The following HS6ST3 variants were observed in gnomAD, a reference collection of about 807,000 sequenced individuals.
HS6ST3 encodes the protein heparan sulfate 6-O-sulfotransferase 3, also known as heparan-sulfate 6-O-sulfotransferase 3.
Under a neutral mutation model 36.7 loss-of-function variants are expected in HS6ST3, and 12 were observed. The ratio of observed to expected loss-of-function variants is 0.33; its 90% CI spans 0.21 to 0.53. The LOEUF (loss-of-function observed/expected upper bound fraction) is 0.53. HS6ST3 is among the 20% of genes least tolerant of loss of function. The pLI is 0.95. For synonymous variants in HS6ST3, 240 were observed against 257.5 expected (o/e 0.93, Z 0.65); for missense variants, 584 against 640.9 (o/e 0.91, Z 0.96).
At chr13:96,297,336 T>G (rs574829509) in intron 1 of HS6ST3, among the ~76,000 whole-genome samples, 1 of 152,268 alleles carries the variant, frequency 6.6e-6, no homozygotes, top group African/African-American at 2.4e-5. Context: ...CTTTCCTCCT[T>G]TCTATTTCTA....
intron 1 of HS6ST3, among the ~76,000 whole-genome samples, chr13:96,097,926 G>T (rs1255765583): frequency 6.6e-6 from 1 of 152,202 alleles, no homozygotes; most frequent in Non-Finnish European, 1.5e-5. Flanking sequence ...TTATTTAAAA[G>T]ATAGAATTAT....
intron 1 of HS6ST3, among the ~76,000 whole-genome samples, chr13:96,624,726 G>A (rs996253934): frequency 3.9e-5 from 6 of 152,082 alleles, no homozygotes; most frequent in South Asian, 4.1e-4. Context: ...TGTCTGACTC[G>A]CTTTTGTTTG....
chr13:96,257,877 C>T (rs1427664543), intron 1 of HS6ST3, among the ~76,000 whole-genome samples: 1 of 152,162 alleles, frequency 6.6e-6, no homozygotes, highest in Admixed American at 6.6e-5. Context: ...CTTTGTGTTA[C>T]AAGAGCTGAT....
chr13:96,556,351 G>A (rs1399279306), intron 1 of HS6ST3, among the ~76,000 whole-genome samples: 2 of 152,136 alleles, frequency 1.3e-5, no homozygotes, highest in Non-Finnish European at 2.9e-5. Context: ...AGAGATTTAG[G>A]TTTTAGTGCT....
chr13:96,494,381 G>A (rs1447426120), intron 1 of HS6ST3, among the ~76,000 whole-genome samples: 1 of 132,024 alleles, frequency 7.6e-6, no homozygotes, highest in African/African-American at 2.8e-5. Flanking sequence ...ATCACACACC[G>A]GGGCCTGTTG....
intron 1 of HS6ST3, among the ~76,000 whole-genome samples, chr13:96,509,286 T>C (rs890378109): frequency 2.6e-5 from 4 of 152,190 alleles, no homozygotes; most frequent in Non-Finnish European, 5.9e-5. Flanking sequence ...GCAAATATTT[T>C]CTCCCATTCT....
intron 1 of HS6ST3, among the ~76,000 whole-genome samples, chr13:96,732,870 A>C (rs1876195828): frequency 6.6e-6 from 1 of 152,008 alleles, no homozygotes; most frequent in African/African-American, 2.4e-5. Flanking sequence ...TTGTTTGTTA[A>C]ATTTATTCCG....
intron 1 of HS6ST3, among the ~76,000 whole-genome samples, chr13:96,326,094 A>G (rs2055029401): frequency 6.6e-6 from 1 of 152,172 alleles, no homozygotes; most frequent in South Asian, 2.1e-4. Flanking sequence ...TACTCAAATA[A>G]TAATATTGAA....
intron 1 of HS6ST3, among the ~76,000 whole-genome samples, chr13:96,769,415 T>C (rs1877201129): frequency 6.7e-6 from 1 of 149,798 alleles, no homozygotes; most frequent in Non-Finnish European, 1.5e-5. Flanking sequence ...CATCTAGCAT[T>C]AGGTATATCT....
chr13:96,474,710 G>A (rs2055855315), intron 1 of HS6ST3, among the ~76,000 whole-genome samples: 1 of 152,098 alleles, frequency 6.6e-6, no homozygotes, highest in African/African-American at 2.4e-5. Flanking sequence ...CAGAAAAAAC[G>A]ACCTCTCTGG....
intron 1 of HS6ST3, among the ~76,000 whole-genome samples, chr13:96,633,351 C>T (rs1284888765): frequency 6.6e-6 from 1 of 152,116 alleles, no homozygotes; most frequent in Non-Finnish European, 1.5e-5. Flanking sequence ...TTTTTAGTCA[C>T]AGAAAGATGA....
chr13:96,362,811 A>G (rs2055244874), intron 1 of HS6ST3, among the ~76,000 whole-genome samples: 1 of 152,226 alleles, frequency 6.6e-6, no homozygotes, highest in Non-Finnish European at 1.5e-5. Flanking sequence ...TCACTCAGTA[A>G]TCAAAAGCAA....
At chr13:96,754,251 G>A (rs997172719) in intron 1 of HS6ST3, among the ~76,000 whole-genome samples, 6 of 151,896 alleles carry the variant, frequency 4.0e-5, no homozygotes, top group Non-Finnish European at 7.4e-5. Flanking sequence ...TTCATCAATC[G>A]AGAAGATTTA....
intron 1 of HS6ST3, among the ~76,000 whole-genome samples, chr13:96,617,473 C>T (rs2056478668): frequency 6.6e-6 from 1 of 152,212 alleles, no homozygotes; most frequent in Non-Finnish European, 1.5e-5. Context: ...AAGAGTCAGT[C>T]AGTACTTCCA....
At chr13:96,592,115 AT>A (rs370456448) in intron 1 of HS6ST3, among the ~76,000 whole-genome samples, 1,900 of 151,970 alleles carry the variant, frequency 0.013, 43 homozygotes, top group African/African-American at 0.044. Flanking sequence ...TTTGTTGAGA[AT>A]TTTTTGCATC....
chr13:96,391,604 AC>A (rs1418246503), intron 1 of HS6ST3, among the ~76,000 whole-genome samples: 3 of 152,196 alleles, frequency 2.0e-5, no homozygotes, highest in Admixed American at 1.3e-4. Context: ...TAATGGACTT[AC>A]AGTTCCACAT....
intron 1 of HS6ST3, among the ~76,000 whole-genome samples, chr13:96,484,930 C>G (rs553141151): frequency 1.8e-4 from 27 of 152,288 alleles, no homozygotes; most frequent in African/African-American, 6.5e-4. Context: ...TTCATAATGG[C>G]TGTACCAGTT....
At chr13:96,232,273 G>A (rs557339331) in intron 1 of HS6ST3, among the ~76,000 whole-genome samples, 4 of 152,200 alleles carry the variant, frequency 2.6e-5, no homozygotes, top group South Asian at 4.2e-4. Flanking sequence ...GGGATGGATG[G>A]CAGGAGTTGA....
At chr13:96,802,116 AC>A (rs1878091427) in intron 1 of HS6ST3, among the ~76,000 whole-genome samples, 1 of 151,960 alleles carries the variant, frequency 6.6e-6, no homozygotes, top group Non-Finnish European at 1.5e-5. Flanking sequence ...ACTCACAGAA[AC>A]CCCCCAGTCA....
Sources: gnomAD v4.1 joint callset for allele counts (sites outside exome capture counted in the v4.1 genomes callset) on GRCh38, gnomAD v4.1.1 for gene constraint, MANE v1.5 for transcripts, NCBI Gene and HGNC (gene_info 2026-07-23, HGNC 2026-07-21) for gene names.